MICU3: variants seen among roughly 807,000 people sequenced by gnomAD.
MICU3 encodes the protein mitochondrial calcium uptake 3.
Under a neutral mutation model 66.5 loss-of-function variants are expected in MICU3, and 62 were observed. The observed-to-expected ratio is 0.93, with a 90% CI of 0.76 to 1.15. MICU3 has a LOEUF of 1.15. Ranked by LOEUF, MICU3 falls within the 50% of genes most tolerant of loss-of-function variation. The pLI is 0.00. For synonymous variants in MICU3, 308 were observed against 240.7 expected, an observed-to-expected ratio of 1.28 and a Z score of -2.59; for missense variants, 779 against 664.4, an observed-to-expected ratio of 1.17 and a Z score of -1.90.
chr8:17,077,407 G>A (rs541077511), intron 3 of MICU3, among the ~76,000 whole-genome samples: 60 of 152,206 alleles, frequency 3.9e-4, no homozygotes, highest in African/African-American at 1.2e-3. Context: ...GACCATCTCC[G>A]ACCTTGATAT....
chr8:17,123,631 C>A (rs536520041), downstream of MICU3, among the ~76,000 whole-genome samples: 1 of 151,762 alleles, frequency 6.6e-6, no homozygotes, highest in South Asian at 2.1e-4. Flanking sequence ...CTTTGGAGGG[C>A]AATAGAGAAA....
chr8:17,031,107 A>G (rs1419469557), intron 1 of MICU3, among the ~76,000 whole-genome samples: 1 of 151,838 alleles, frequency 6.6e-6, no homozygotes, highest in Non-Finnish European at 1.5e-5. Context: ...AGTCCCAGCT[A>G]CTCAGGGGGC....
chr8:17,079,289 T>G (rs899691374), intron 4 of MICU3, among the ~76,000 whole-genome samples: 2 of 152,138 alleles, frequency 1.3e-5, no homozygotes, highest in Non-Finnish European at 2.9e-5. Context: ...ACTGAGGAAC[T>G]TATTTTTAGT....
chr8:17,101,882 C>A (rs1192588425), intron 9 of MICU3, among the ~76,000 whole-genome samples: 1 of 151,792 alleles, frequency 6.6e-6, no homozygotes, highest in Non-Finnish European at 1.5e-5. Context: ...ATATATTTGA[C>A]AAAAATACAT....
intron 11 of MICU3, among the ~76,000 whole-genome samples, chr8:17,108,123 C>A (rs1801894840): frequency 6.6e-6 from 1 of 152,106 alleles, no homozygotes; most frequent in Non-Finnish European, 1.5e-5. Context: ...TTGGCTTGAA[C>A]CACAGGCTGA....
At chr8:17,110,766 TTTTG>T (rs1563392977) in intron 11 of MICU3, among the ~76,000 whole-genome samples, 1 of 151,746 alleles carries the variant, frequency 6.6e-6, no homozygotes. Context: ...CAGGGTTTTT[TTTTG>T]TTTGTTTTTT....
Position 17,027,475 on chromosome 8 carries a change from G to T in MICU3, c.196G>T (p.Glu66Ter). The T allele has an allele frequency of 2.3e-6, 3 of 1,288,548 alleles. No individual in the cohort carries two copies. The highest frequency in any genetic ancestry group is 3.1e-5 in the East Asian group (1 of 32,140). 79.8% of individuals were successfully genotyped at this position (1,288,548 alleles called of 1,614,324 possible). A position where few individuals can be genotyped will look rare whatever the true frequency, so the allele number is the denominator to read the frequency against. ...ATGGAGGCGGCGGCGGCGCTGGGGG[G>T]AGCTGAGCGTGGCGGCGGCGGCCGG... ...AAWRRRRRWG[E>*]LSVAAAAGGG... Residue 66 changes from glutamate (E) to a stop codon, truncating the protein, a stop_gained, in exon 1 of 15, where the codon GAG becomes TAG. Transcript: ENST00000318063. LOFTEE classifies it high-confidence loss of function.
In MICU3 at chr8:17,027,622, G is replaced by C; in HGVS notation, c.343G>C (p.Gly115Arg). ...TEPEDPPRGR[G>R]MLPIPVAAAK... ...GCCCGAGGACCCGCCCCGCGGCCGG[G>C]GGATGCTGCCCATCCCAGTGGCGGC... Residue 115 changes from glycine (G) to arginine (R), a missense_variant, in exon 1 of 15, where the codon GGG becomes CGG. Coordinates refer to ENST00000318063, the MANE Select transcript of MICU3 (RefSeq NM_181723.3). 2 of 1,310,600 alleles carry C rather than the reference G, an allele frequency of 1.5e-6. No individual in the cohort carries two copies. The highest frequency in any genetic ancestry group is 1.9e-6 in the Non-Finnish European group (2 of 1,033,960). The allele number at this position is 1,310,600 out of a possible 1,614,324, so 81.2% of individuals were successfully genotyped here.
chr8:17,099,916 A>ATCTGCTAAT (rs1334935717), intron 9 of MICU3, among the ~76,000 whole-genome samples: 1 of 151,774 alleles, frequency 6.6e-6, no homozygotes. Context: ...GTTAGACAAA[A>ATCTGCTAAT]TCTGCTAATC....
At chr8:17,036,815 C>T (rs1479473280) in intron 1 of MICU3, among the ~76,000 whole-genome samples, 4 of 152,216 alleles carry the variant, frequency 2.6e-5, no homozygotes, top group East Asian at 1.9e-4. Flanking sequence ...GCCGTGCGCT[C>T]GCACTCCTCA....
In MICU3 at chr8:17,122,082, T is replaced by C. The variant is rs1585595333; in HGVS notation, c.*1795T>C. 6.6e-6 allele frequency: 1 copy of C among 152,008 alleles called. No homozygotes were observed. Among genetic ancestry groups the C allele is most frequent in the Admixed American group, 6.6e-5 (1 of 15,266 alleles). The allele number at this position is 152,008 out of a possible 1,614,324, so 9.4% of individuals were successfully genotyped here. On this transcript the variant is annotated 3_prime_UTR_variant, in exon 15 of 15. Transcript: ENST00000318063. ...AAATTAAATTAGCCCATTGAAATCCTTTATAATTCTGTCATTTTCCCAAGG... is the reference window on the plus strand; with the variant it reads ...AAATTAAATTAGCCCATTGAAATCCCTTATAATTCTGTCATTTTCCCAAGG...
chr8:17,070,227 A>G (rs536262418), intron 3 of MICU3, among the ~76,000 whole-genome samples: 4 of 152,100 alleles, frequency 2.6e-5, no homozygotes, highest in African/African-American at 9.7e-5. Flanking sequence ...TGATGGCCCC[A>G]AAACTTTAAT....
At chr8:17,062,793 C>T (rs1363858109) in intron 1 of MICU3, among the ~76,000 whole-genome samples, 26 of 151,764 alleles carry the variant, frequency 1.7e-4, no homozygotes, top group Admixed American at 1.4e-3. Context: ...GCAGGAGAGT[C>T]GCTTGAACCT....
chr8:17,128,520 A>G, the MICU3 span, among the ~76,000 whole-genome samples: 1 of 152,238 alleles, frequency 6.6e-6, no homozygotes, highest in African/African-American at 2.4e-5. Flanking sequence ...GGGATTAAAC[A>G]GATACACTTA....
intron 2 of MICU3, among the ~76,000 whole-genome samples, chr8:17,068,899 A>T (rs374067968): frequency 1.3e-5 from 2 of 152,302 alleles, no homozygotes; most frequent in South Asian, 4.1e-4. Flanking sequence ...GCTGTATTAC[A>T]GGGCTTAATC....
At chr8:17,092,706 A>G (rs1800206400) in intron 8 of MICU3, among the ~76,000 whole-genome samples, 1 of 152,080 alleles carries the variant, frequency 6.6e-6, no homozygotes, top group Non-Finnish European at 1.5e-5. Flanking sequence ...ACAAGCAAAC[A>G]AGGGACATTC....
At chr8:17,124,072 T>C (rs1803339967), downstream of MICU3, among the ~76,000 whole-genome samples, 1 of 152,048 alleles carries the variant, frequency 6.6e-6, no homozygotes, top group Non-Finnish European at 1.5e-5. Context: ...TATATCAACA[T>C]TTTTGATTGG....
At chr8:17,129,252 A>C in the MICU3 span, among the ~76,000 whole-genome samples, 1 of 152,202 alleles carries the variant, frequency 6.6e-6, no homozygotes, top group Non-Finnish European at 1.5e-5. Context: ...ATCCACTATA[A>C]AGTAAGCCAA....
intron 6 of MICU3, among the ~76,000 whole-genome samples, chr8:17,085,875 C>T (rs1254410249): frequency 1.3e-5 from 2 of 152,108 alleles, no homozygotes; most frequent in African/African-American, 2.4e-5. Flanking sequence ...ACAGTGAGTT[C>T]AGTTGCTCAC....
Sources: allele counts gnomAD v4.1 joint callset (sites outside exome capture counted in the v4.1 genomes callset), GRCh38; gene constraint gnomAD v4.1.1; transcripts MANE v1.5; gene names NCBI Gene and HGNC (gene_info 2026-07-23, HGNC 2026-07-21).